Variants in RBFOX1 observed in about 807,000 individuals in gnomAD.
RBFOX1 encodes the protein RNA binding protein fox-1 homolog 1.
A neutral mutation model predicts 57.7 loss-of-function variants in RBFOX1; 8 were observed. That is an observed-to-expected ratio of 0.14 (90% confidence interval 0.08 to 0.25). The LOEUF is 0.25. Ranked by LOEUF, RBFOX1 falls within the 10% of genes least tolerant of loss-of-function variation. The pLI, the probability that RBFOX1 is intolerant of heterozygous loss-of-function variation, is 1.00. For missense variants in RBFOX1, 611 were observed against 548.5 expected (o/e 1.11, Z -1.14); for synonymous variants, 326 against 222.4 (o/e 1.47, Z -4.15).
At chr16:6,233,145 C>T (rs1043094174) in intron 1 of RBFOX1, among the ~76,000 whole-genome samples, 10 of 152,000 alleles carry the variant, frequency 6.6e-5, no homozygotes, top group Non-Finnish European at 1.0e-4. Context: ...GGTATGAGCC[C>T]GATCACAAAG....
rs541231738 is a variant in RBFOX1 at position 7,412,337 on chromosome 16, C to T, written c.28-105810C>T. 2.0e-5 allele frequency among the ~76,000 whole-genome samples: 3 copies of T among 151,100 alleles called. No homozygotes were observed. The South Asian group carries it at 6.3e-4, about 32-fold the overall frequency. On this transcript the variant is annotated intron_variant, in intron 4 of 15. Coordinates refer to ENST00000550418, the MANE Select transcript of RBFOX1 (RefSeq NM_018723.4). ...GGCTGAGGCAGGAGAATCACTTGAA[C>T]CTAGGAGCTAGAGGTTGCAGGGAGC...
intron 9 of RBFOX1, among the ~76,000 whole-genome samples, chr16:7,599,208 C>T (rs901951609): frequency 6.6e-6 from 1 of 152,188 alleles, no homozygotes; most frequent in African/African-American, 2.4e-5. Context: ...AAAGTAATGA[C>T]TCTGAAACTT....
chr16:5,301,480 G>A (rs891698284), intron 1 of RBFOX1, among the ~76,000 whole-genome samples: 1 of 152,002 alleles, frequency 6.6e-6, no homozygotes, highest in African/African-American at 2.4e-5. Flanking sequence ...TTAGCCAAGT[G>A]TGGTGGCAGG....
chr16:7,453,872 A>G (rs929062382), intron 4 of RBFOX1, among the ~76,000 whole-genome samples: 26 of 152,174 alleles, frequency 1.7e-4, no homozygotes, highest in African/African-American at 5.8e-4. Flanking sequence ...GTCTTCACCA[A>G]AGGCTAGAAG....
At chr16:5,579,685 C>G (rs967395713) in intron 2 of RBFOX1, among the ~76,000 whole-genome samples, 2 of 152,126 alleles carry the variant, frequency 1.3e-5, no homozygotes, top group Non-Finnish European at 2.9e-5. Context: ...CAGGTAAGGT[C>G]TTGAAGCTCG....
chr16:6,726,839 C>T (rs534919940), intron 3 of RBFOX1, among the ~76,000 whole-genome samples: 14 of 152,206 alleles, frequency 9.2e-5, no homozygotes, highest in Non-Finnish European at 1.6e-4. Context: ...ACACCAAGTT[C>T]TCTCTGTGGG....
chr16:5,882,567 G>C (rs991669159), intron 4 of RBFOX1, among the ~76,000 whole-genome samples: 4 of 152,090 alleles, frequency 2.6e-5, no homozygotes, highest in African/African-American at 4.8e-5. Flanking sequence ...AGACCTGGAG[G>C]GCTCATGATT....
At chr16:7,446,047 C>T (rs1031273814) in intron 4 of RBFOX1, among the ~76,000 whole-genome samples, 7 of 152,186 alleles carry the variant, frequency 4.6e-5, no homozygotes, top group African/African-American at 1.2e-4. Context: ...GCTACAGCCG[C>T]TTTGCTCCCC....
At chr16:6,144,692 A>G (rs1471468171) in intron 1 of RBFOX1, among the ~76,000 whole-genome samples, 2 of 152,212 alleles carry the variant, frequency 1.3e-5, no homozygotes, top group Non-Finnish European at 2.9e-5. Flanking sequence ...AGCTTTTCTC[A>G]TGAGCAGGGG....
At chr16:7,090,960 A>G (rs991725059) in intron 4 of RBFOX1, among the ~76,000 whole-genome samples, 12 of 152,190 alleles carry the variant, frequency 7.9e-5, no homozygotes, top group Admixed American at 2.6e-4. Flanking sequence ...GTTCTTTGGA[A>G]TACAATTGAG....
At chr16:6,081,624 C>T (rs1457823202) in intron 1 of RBFOX1, among the ~76,000 whole-genome samples, 1 of 152,138 alleles carries the variant, frequency 6.6e-6, no homozygotes, top group Non-Finnish European at 1.5e-5. Context: ...GAGGTTGAAC[C>T]TGGGGTTCCT....
At chr16:5,910,486 T>G (rs2058577745) in intron 4 of RBFOX1, among the ~76,000 whole-genome samples, 1 of 152,228 alleles carries the variant, frequency 6.6e-6, no homozygotes, top group Non-Finnish European at 1.5e-5. Flanking sequence ...TGACAATGGT[T>G]GGCTACTATA....
chr16:7,412,412 C>CA (rs376200574), intron 4 of RBFOX1, among the ~76,000 whole-genome samples: 68,523 of 132,104 alleles, frequency 0.52, 18,220 homozygotes, highest in African/African-American at 0.65. Flanking sequence ...GACATTCTGC[C>CA]AAAAAAAAAA....
At chr16:6,204,872 G>A (rs1431667957) in intron 1 of RBFOX1, among the ~76,000 whole-genome samples, 3 of 152,070 alleles carry the variant, frequency 2.0e-5, no homozygotes, top group African/African-American at 7.2e-5. Flanking sequence ...AAAAGAAAGA[G>A]GTGAAAGAAA....
chr16:6,368,611 T>C (rs1340619585), intron 2 of RBFOX1, among the ~76,000 whole-genome samples: 1 of 152,208 alleles, frequency 6.6e-6, no homozygotes, highest in Non-Finnish European at 1.5e-5. Flanking sequence ...ATTATTTAGC[T>C]CTTACATTCC....
intron 5 of RBFOX1, among the ~76,000 whole-genome samples, chr16:7,525,264 A>G (rs924604051): frequency 1.3e-5 from 2 of 152,086 alleles, no homozygotes; most frequent in African/African-American, 4.8e-5. Flanking sequence ...ATTATTCTGT[A>G]TCATATTTAG....
At position 5,530,933 on chromosome 16, in the gene RBFOX1, T is replaced by TAAAAAAAA. The variant is rs59311923; in HGVS notation, c.258+63714_258+63721dup. Among the ~76,000 whole-genome samples the TAAAAAAAA allele has an allele frequency of 1.1e-3, 61 of 55,038 alleles. 2 individuals carry two copies. Among genetic ancestry groups the TAAAAAAAA allele is most frequent in the Non-Finnish European group, 1.4e-3 (44 of 32,064 alleles). The allele number at this position is 55,038 out of a possible 152,430, so 36.1% of individuals were successfully genotyped here. Reference sequence around the variant, plus strand: ...CGAAACCCTGTCTCTACTAAAAATATAAAAAAAAAAAAAAAAAAAAAAAAA... The same window carrying TAAAAAAAA: ...CGAAACCCTGTCTCTACTAAAAATATAAAAAAAAAAAAAAAAAAAAAAAAAAAAAAAAA... On this transcript the variant is annotated intron_variant, in intron 2 of 2. Coordinates refer to the RBFOX1 transcript ENST00000585867.
chr16:6,678,691 A>G (rs1372340759), intron 3 of RBFOX1, among the ~76,000 whole-genome samples: 2 of 151,928 alleles, frequency 1.3e-5, no homozygotes, highest in African/African-American at 2.4e-5. Context: ...AATGTAGGGA[A>G]TCCTTTAAGC....
chr16:6,342,298 A>G (rs944268598), intron 2 of RBFOX1, among the ~76,000 whole-genome samples: 1 of 152,222 alleles, frequency 6.6e-6, no homozygotes, highest in Non-Finnish European at 1.5e-5. Flanking sequence ...GAAGATGGAC[A>G]TGTGGAAATG....
Sources: gnomAD v4.1 joint callset for allele counts (sites outside exome capture counted in the v4.1 genomes callset) on GRCh38, gnomAD v4.1.1 for gene constraint, MANE v1.5 for transcripts, NCBI Gene and HGNC (gene_info 2026-07-23, HGNC 2026-07-21) for gene names.